The following THSD7B variants were observed in gnomAD, a reference collection of about 807,000 sequenced individuals.
The protein encoded by THSD7B is thrombospondin type 1 domain containing 7B.
Under a neutral mutation model 213.6 loss-of-function variants are expected in THSD7B, and 138 were observed. That is an observed-to-expected ratio of 0.65 (90% confidence interval 0.56 to 0.74). The LOEUF (loss-of-function observed/expected upper bound fraction) is 0.74, where lower values mean the gene tolerates loss of function less well. Among genes scored for constraint, THSD7B ranks in the 30% least tolerant of loss-of-function variants. The pLI is 0.00. For missense variants in THSD7B, 1,931 were observed against 1,991.5 expected, an observed-to-expected ratio of 0.97 and a Z score of 0.58; for synonymous variants, 742 against 687.0, an observed-to-expected ratio of 1.08 and a Z score of -1.25.
At chr2:137,157,244 C>T (rs1679926410) in intron 5 of THSD7B, among the ~76,000 whole-genome samples, 1 of 152,156 alleles carries the variant, frequency 6.6e-6, no homozygotes, top group Non-Finnish European at 1.5e-5. Context: ...CAACAGACGC[C>T]TACGATTCAT....
At chr2:137,318,063 A>AT (rs1205517528) in intron 12 of THSD7B, among the ~76,000 whole-genome samples, 5 of 152,186 alleles carry the variant, frequency 3.3e-5, no homozygotes, top group East Asian at 1.9e-4. Context: ...ATTAGGCAAG[A>AT]TTTTTTGCAT....
Position 137,286,361 on chromosome 2 carries a change from A to G in THSD7B, c.2500+10335A>G, listed in dbSNP as rs149555254. Among the ~76,000 whole-genome samples, 3 of 152,270 alleles carry G rather than the reference A, an allele frequency of 2.0e-5. No individual in the cohort carries two copies. In the East Asian group the frequency reaches 5.8e-4, roughly 29 times the overall value. The stretch of plus-strand genomic sequence containing the variant: ...CTGGAAAACACATAGAAATATAGCA[A>G]AAACACACACTCTAAAATAAAGATG... On this transcript the variant is annotated intron_variant, in intron 12 of 27. Coordinates refer to ENST00000409968, the MANE Select transcript of THSD7B (RefSeq NM_001316349.2).
rs376366260 is a variant in THSD7B, at chr2:137,217,201, G to A, written c.1724-13843G>A. On this transcript the variant is annotated intron_variant, in intron 7 of 27. Transcript: ENST00000409968. ...CATACTGACAATCAGATGGTGCCTT[G>A]CAAAGCTTTGCATAAATGCCTTTTC... 2.8e-4 allele frequency among the ~76,000 whole-genome samples: 42 copies of A among 152,276 alleles called. No individual in the cohort carries two copies. The East Asian group carries it at 6.6e-3, about 24-fold the overall frequency.
At chr2:136,855,124 G>A (rs903712856) in intron 1 of THSD7B, among the ~76,000 whole-genome samples, 11 of 151,980 alleles carry the variant, frequency 7.2e-5, no homozygotes, top group African/African-American at 2.4e-4. Context: ...CCTTACTCGC[G>A]TCTCCTTTAT....
At chr2:137,042,666 G>T (rs1401660705) in intron 2 of THSD7B, among the ~76,000 whole-genome samples, 8 of 152,180 alleles carry the variant, frequency 5.3e-5, no homozygotes, top group African/African-American at 1.7e-4. Context: ...GTTATCTTCA[G>T]TTGGAATCAG....
chr2:136,810,741 C>T (rs1345871981), intron 1 of THSD7B, among the ~76,000 whole-genome samples: 1 of 152,160 alleles, frequency 6.6e-6, no homozygotes, highest in Non-Finnish European at 1.5e-5. Context: ...TACTTCATGT[C>T]AACATAGTCT....
At chr2:137,203,916 T>C (rs1680929376) in intron 7 of THSD7B, among the ~76,000 whole-genome samples, 1 of 152,096 alleles carries the variant, frequency 6.6e-6, no homozygotes, top group Non-Finnish European at 1.5e-5. Flanking sequence ...TTGCACCCTC[T>C]CCTCACAACC....
chr2:137,494,969 A>T (rs929758577), intron 15 of THSD7B, among the ~76,000 whole-genome samples: 2 of 152,104 alleles, frequency 1.3e-5, no homozygotes, highest in African/African-American at 4.8e-5. Flanking sequence ...CTTGATTACC[A>T]TCTCTACCCC....
At chr2:137,496,521 T>C (rs1322388757) in intron 15 of THSD7B, among the ~76,000 whole-genome samples, 1 of 152,206 alleles carries the variant, frequency 6.6e-6, no homozygotes, top group Admixed American at 6.5e-5. Flanking sequence ...CCAGCTTTTA[T>C]TATGTGCAGA....
At chr2:137,383,237 G>A (rs1685817416) in intron 12 of THSD7B, among the ~76,000 whole-genome samples, 1 of 152,178 alleles carries the variant, frequency 6.6e-6, no homozygotes, top group African/African-American at 2.4e-5. Flanking sequence ...GCCCCTAAAG[G>A]TAGGGAAATA....
intron 7 of THSD7B, among the ~76,000 whole-genome samples, chr2:137,225,590 G>A (rs889390296): frequency 2.0e-5 from 3 of 152,094 alleles, no homozygotes; most frequent in African/African-American, 7.2e-5. Context: ...ACTTCTTCAT[G>A]CCTCAGGTGT....
intron 12 of THSD7B, among the ~76,000 whole-genome samples, chr2:137,338,196 A>G (rs1684682998): frequency 6.6e-6 from 1 of 152,064 alleles, no homozygotes; most frequent in Non-Finnish European, 1.5e-5. Flanking sequence ...TTCTCCACAT[A>G]GTCCCTCCAA....
chr2:137,459,323 A>G (rs1200329872), intron 15 of THSD7B, among the ~76,000 whole-genome samples: 1 of 152,216 alleles, frequency 6.6e-6, no homozygotes, highest in Admixed American at 6.5e-5. Context: ...GTTCCTGCAG[A>G]AAAACATTTG....
chr2:136,799,431 G>T (rs557507774), intron 1 of THSD7B, among the ~76,000 whole-genome samples: 1 of 152,056 alleles, frequency 6.6e-6, no homozygotes, highest in African/African-American at 2.4e-5. Context: ...AGTTTTCATA[G>T]ATTCCATTTT....
rs148063148 is a variant in THSD7B at position 137,498,034 on chromosome 2, C to T, written c.3138+47011C>T. On this transcript the variant is annotated intron_variant, in intron 15 of 27. Transcript: ENST00000409968. Reference sequence around the variant, plus strand: ...TACAAGGACTTGTGGCACCTCAGCACGCTGGCTCTACCACCATTGCATATT... The same window carrying T: ...TACAAGGACTTGTGGCACCTCAGCATGCTGGCTCTACCACCATTGCATATT... Among the ~76,000 whole-genome samples, 739 of 152,292 alleles carry T rather than the reference C, an allele frequency of 4.9e-3. 5 individuals are homozygous for T. The highest frequency in any genetic ancestry group is 0.017 in the African/African-American group (703 of 41,560).
chr2:137,119,745 C>T (rs1017528273), intron 5 of THSD7B, among the ~76,000 whole-genome samples: 57 of 152,182 alleles, frequency 3.7e-4, no homozygotes, highest in African/African-American at 1.3e-3. Context: ...AGGAAATCTT[C>T]TATTGACTGT....
At chr2:136,954,368 T>C (rs1685088063) in intron 2 of THSD7B, among the ~76,000 whole-genome samples, 1 of 152,178 alleles carries the variant, frequency 6.6e-6, no homozygotes. Context: ...GCTCATCTCA[T>C]AGTGATTTTC....
At chr2:136,999,212 C>G (rs1161061847) in intron 2 of THSD7B, among the ~76,000 whole-genome samples, 1 of 152,158 alleles carries the variant, frequency 6.6e-6, no homozygotes, top group Non-Finnish European at 1.5e-5. Flanking sequence ...TCTTACCCTA[C>G]TTTTCTGGCA....
chr2:137,245,416 C>T (rs1314190852), intron 10 of THSD7B, among the ~76,000 whole-genome samples: 1 of 152,184 alleles, frequency 6.6e-6, no homozygotes, highest in Non-Finnish European at 1.5e-5. Flanking sequence ...TTTGCACCTG[C>T]TGTGCATGAG....
Sources: gnomAD v4.1 joint callset for allele counts (sites outside exome capture counted in the v4.1 genomes callset) on GRCh38, gnomAD v4.1.1 for gene constraint, MANE v1.5 for transcripts, NCBI Gene and HGNC (gene_info 2026-07-23, HGNC 2026-07-21) for gene names.